ARHGEF5: variants seen among roughly 807,000 people sequenced by gnomAD.
ARHGEF5 encodes the protein Rho guanine nucleotide exchange factor (GEF) 5.
Under a neutral mutation model 104.0 loss-of-function variants are expected in ARHGEF5, and 11 were observed. That is an observed-to-expected ratio of 0.11 (90% CI 0.07 to 0.18). The LOEUF (loss-of-function observed/expected upper bound fraction) is 0.18, where lower values mean the gene tolerates loss of function less well. ARHGEF5 is among the 10% of genes least tolerant of loss of function. The probability of loss-of-function intolerance (pLI) is 1.00; values close to 1 mark genes in which losing one functional copy is unlikely to be tolerated. For missense variants in ARHGEF5, 165 were observed against 1,335.4 expected, an observed-to-expected ratio of 0.12 and a Z score of 13.66; for synonymous variants, 60 against 512.2, an observed-to-expected ratio of 0.12 and a Z score of 11.92.
At chr7:144,378,724 C>T in intron 13 of ARHGEF5, 38 bp from the exon 14 acceptor site, 2 of 1,574,578 alleles carry the variant, frequency 1.3e-6, no homozygotes, top group East Asian at 2.3e-5. Context: ...CAATCCCCTG[C>T]CTCTCCTAAC....
Position 144,380,015 on chromosome 7 carries a change from G to T in ARHGEF5, c.4753G>T (p.Val1585Phe). ...ACAGAACCTGAAGGAAGCTCATCGAGTCAAGACTGCCAAACTACAGCTGGT... is the reference window on the plus strand; with the variant it reads ...ACAGAACCTGAAGGAAGCTCATCGATTCAAGACTGCCAAACTACAGCTGGT... ...RAQNLKEAHR[V>F]KTAKLQLVEQ... is the part of the protein sequence containing the mutation. The change falls in exon 15 of 15, where the codon GTC becomes TTC. Residue 1585 changes from valine (V) to phenylalanine (F), a missense_variant. Coordinates refer to ENST00000056217, the MANE Select transcript of ARHGEF5 (RefSeq NM_005435.4). 1 of 1,614,208 alleles carries T rather than the reference G, an allele frequency of 6.2e-7. No homozygotes were observed. The highest frequency in any genetic ancestry group is 8.5e-7 in the Non-Finnish European group (1 of 1,180,040).
chr7:144,360,321 G>C lies in ARHGEF5; in HGVS notation c.-12-2337G>C, dbSNP rs1360157510. ...AGACAGGGTTTCACCAGGTTGTCCA[G>C]GCTGGTCTCAAACTCCTAGATTCAA... is the stretch of plus-strand genomic sequence containing the variant. On this transcript the variant is annotated intron_variant, in intron 1 of 14. Coordinates refer to ENST00000056217, the MANE Select transcript of ARHGEF5 (RefSeq NM_005435.4). Among the ~76,000 whole-genome samples, 7 of 107,372 alleles carry C rather than the reference G, an allele frequency of 6.5e-5. 2 individuals carry two copies. The highest frequency in any genetic ancestry group is 2.5e-4 in the African/African-American group (7 of 28,284). 70.4% of individuals were successfully genotyped at this position (107,372 alleles called of 152,430 possible). A position where few individuals can be genotyped will look rare whatever the true frequency, so the allele number is the denominator to read the frequency against.
chr7:144,363,321 A>C lies in ARHGEF5; in HGVS notation c.652A>C (p.Ser218Arg), dbSNP rs1482734911. The C allele has an allele frequency of 6.3e-7, 1 of 1,592,232 alleles. No homozygotes were observed. Among genetic ancestry groups the C allele is most frequent in the East Asian group, 2.2e-5 (1 of 44,896 alleles). ...EELPPEELQE[S>R]QGLLHPQEVQ... Reference sequence around the variant, plus strand: ...GCTGCCACCTGAGGAGCTGCAGGAAAGTCAAGGGCTCTTGCATCCCCAGGA... The same window carrying C: ...GCTGCCACCTGAGGAGCTGCAGGAACGTCAAGGGCTCTTGCATCCCCAGGA... The change falls in exon 2 of 15, where the codon AGT becomes CGT. Residue 218 changes from serine (S) to arginine (R), a missense_variant. Ser to Arg is a moderately radical substitution (Grantham distance 110). Coordinates refer to ENST00000056217, the MANE Select transcript of ARHGEF5 (RefSeq NM_005435.4).
At position 144,380,306 on chromosome 7, in the gene ARHGEF5, G is replaced by T. The variant is rs2053792416; in HGVS notation, c.*250G>T. Reference sequence around the variant, plus strand: ...CATCATTAAAAAAAGGGGGACCATTGGGGCCTGAGCCAAGGAACTTTCCTT... The same window carrying T: ...CATCATTAAAAAAAGGGGGACCATTTGGGCCTGAGCCAAGGAACTTTCCTT... On this transcript the variant is annotated 3_prime_UTR_variant, in exon 15 of 15. Coordinates refer to ENST00000056217, the MANE Select transcript of ARHGEF5 (RefSeq NM_005435.4). 2.3e-6 allele frequency: 1 copy of T among 432,244 alleles called. No homozygotes were observed. The highest frequency in any genetic ancestry group is 2.0e-5 in the African/African-American group (1 of 50,744). The allele number at this position is 432,244 out of a possible 1,614,324, so 26.8% of individuals were successfully genotyped here. A position where few individuals can be genotyped will look rare whatever the true frequency, so the allele number is the denominator to read the frequency against.
At chr7:144,379,456 C>A (rs1419831440) in intron 14 of ARHGEF5, among the ~76,000 whole-genome samples, 1 of 152,076 alleles carries the variant, frequency 6.6e-6, no homozygotes, top group East Asian at 1.9e-4. Context: ...GCAGTCCACC[C>A]ACCTCGGCCT....
In ARHGEF5 at chr7:144,379,934, C is replaced by T. The variant is rs2053789099; in HGVS notation, c.4672C>T (p.Arg1558Ter). The T allele has an allele frequency of 6.2e-7, 1 of 1,614,184 alleles. No homozygotes were observed. Among genetic ancestry groups the T allele is most frequent in the Non-Finnish European group, 8.5e-7 (1 of 1,180,032 alleles). ...GGGCGTGAGGCTCTCAGACGGGGAG[C>T]GAGGCTGGTTTCCTGTGCAGCAGGT... is the stretch of plus-strand genomic sequence containing the variant. ...LEGVRLSDGE[R>*]GWFPVQQVEF... Residue 1558 changes from arginine (R) to a stop codon, truncating the protein, a stop_gained, in exon 15 of 15, where the codon CGA becomes TGA. Coordinates refer to ENST00000056217, the MANE Select transcript of ARHGEF5 (RefSeq NM_005435.4). LOFTEE classifies it high-confidence loss of function.
At chr7:144,374,092 T>G (rs1198846180) in intron 10 of ARHGEF5, among the ~76,000 whole-genome samples, 33 of 111,872 alleles carry the variant, frequency 2.9e-4, no homozygotes, top group African/African-American at 1.0e-3. Context: ...TCCACCCACC[T>G]CTGCCTTCCA....
chr7:144,358,884 G>A (rs1317355081), intron 1 of ARHGEF5, among the ~76,000 whole-genome samples: 8 of 110,156 alleles, frequency 7.3e-5, no homozygotes, highest in East Asian at 2.7e-4. Context: ...AAAGGTGCAC[G>A]GTCAGGTGCA....
chr7:144,370,619 T>C (rs1404173093), intron 5 of ARHGEF5, among the ~76,000 whole-genome samples: 1 of 150,050 alleles, frequency 6.7e-6, no homozygotes, highest in Non-Finnish European at 1.5e-5. Flanking sequence ...GTGCACGCCA[T>C]CACATCCGGC....
intron 1 of ARHGEF5, among the ~76,000 whole-genome samples, chr7:144,361,121 G>A (rs574084389): frequency 4.2e-5 from 6 of 142,130 alleles, no homozygotes; most frequent in East Asian, 2.0e-4. Flanking sequence ...CCAGCTACTC[G>A]GGAGGCTGAG....
chr7:144,380,114 G>A lies in ARHGEF5; in HGVS notation c.*58G>A. The A allele has an allele frequency of 1.2e-6, 2 of 1,604,054 alleles. No homozygotes were observed. The highest frequency in any genetic ancestry group is 1.1e-5 in the South Asian group (1 of 90,158). ...AACAAGCTGCTCATGGCAAGGGCTG[G>A]CCCCAGAACCCTGCAAGAGAGGCCT... On this transcript the variant is annotated 3_prime_UTR_variant, in exon 15 of 15. Coordinates refer to ENST00000056217, the MANE Select transcript of ARHGEF5 (RefSeq NM_005435.4).
At chr7:144,360,891 T>C (rs1288319761) in intron 1 of ARHGEF5, among the ~76,000 whole-genome samples, 1 of 145,692 alleles carries the variant, frequency 6.9e-6, no homozygotes, top group African/African-American at 2.5e-5. Context: ...AAGAGAATTA[T>C]AGTTGGTAAG....
intron 5 of ARHGEF5, among the ~76,000 whole-genome samples, chr7:144,370,763 G>C: frequency 6.9e-6 from 1 of 144,956 alleles, no homozygotes; most frequent in Non-Finnish European, 1.5e-5. Context: ...ACTGCACCCA[G>C]TCTATTTAGC....
At chr7:144,377,302 C>G in intron 13 of ARHGEF5, 112 bp downstream of exon 13, 1 of 1,530,688 alleles carries the variant, frequency 6.5e-7, no homozygotes, top group Non-Finnish European at 8.8e-7. Context: ...ATTGATATTC[C>G]GTAAAATGTC....
intron 10 of ARHGEF5, among the ~76,000 whole-genome samples, chr7:144,373,513 G>T (rs1178136155): frequency 1.1e-5 from 1 of 88,282 alleles, no homozygotes. Context: ...ATCACCTTTG[G>T]TATAAAAGTG....
intron 1 of ARHGEF5, among the ~76,000 whole-genome samples, chr7:144,357,879 G>GC (rs2053609842): frequency 8.8e-6 from 1 of 113,118 alleles, no homozygotes; most frequent in Non-Finnish European, 1.8e-5. Flanking sequence ...ATAATCCCAT[G>GC]CCCTGGCTTT....
At chr7:144,357,660 A>T (rs1239572668) in intron 1 of ARHGEF5, among the ~76,000 whole-genome samples, 2 of 151,366 alleles carry the variant, frequency 1.3e-5, no homozygotes, top group Non-Finnish European at 2.9e-5. Flanking sequence ...TTGATTGGGG[A>T]GGGGTTGTAT....
intron 13 of ARHGEF5, among the ~76,000 whole-genome samples, 168 bp downstream of exon 13, chr7:144,377,358 G>A (rs144782851): frequency 4.8e-4 from 73 of 152,224 alleles, no homozygotes; most frequent in African/African-American, 1.6e-3. Context: ...GAAATATATC[G>A]CCTAAAACTG....
chr7:144,379,004 A>T (rs939036484), intron 14 of ARHGEF5, 138 bp downstream of exon 14: 10 of 827,370 alleles, frequency 1.2e-5, no homozygotes, highest in Non-Finnish European at 1.7e-5. Context: ...ATTCTCTCAC[A>T]GTTCTGGAGG....
Sources: gnomAD v4.1 joint callset for allele counts (sites outside exome capture counted in the v4.1 genomes callset) on GRCh38, gnomAD v4.1.1 for gene constraint, MANE v1.5 for transcripts, NCBI Gene and HGNC (gene_info 2026-07-23, HGNC 2026-07-21) for gene names.